BCAR3: variants seen among roughly 807,000 people sequenced by gnomAD.
BCAR3 encodes the protein breast cancer anti-estrogen resistance protein 3.
BCAR3 carries 37 observed loss-of-function variants against 80.1 expected under a neutral mutation model. That is an observed-to-expected ratio of 0.46 (90% CI 0.36 to 0.61). The LOEUF is 0.61. Among genes scored for constraint, BCAR3 ranks in the 20% least tolerant of loss-of-function variants. BCAR3 has a pLI of 0.00. For synonymous variants in BCAR3, 389 were observed against 418.9 expected (o/e 0.93, Z 0.87); for missense variants, 978 against 1,068.2 (o/e 0.92, Z 1.18).
chr1:93,814,181 C>T (rs1201916202), intron 2 of BCAR3, among the ~76,000 whole-genome samples: 1 of 152,088 alleles, frequency 6.6e-6, no homozygotes, highest in Non-Finnish European at 1.5e-5. Flanking sequence ...GGAGGCTGTC[C>T]TCTGCTGGTT....
chr1:93,599,406 A>G lies in BCAR3; in HGVS notation c.358-7013T>C, dbSNP rs542139384. ...TGTGACCTAGGCTAGTATGAGTGGA[A>G]TCCCTGTCACTTGTGACCAAAGCAG... is the stretch of plus-strand genomic sequence containing the variant. On this transcript the variant is annotated intron_variant, in intron 3 of 11. Transcript: ENST00000260502. 8.2e-4 allele frequency: 125 copies of G among 152,354 alleles called. 1 individual carries two copies. Among genetic ancestry groups the G allele is most frequent in the African/African-American group, 2.4e-3 (101 of 41,570 alleles). 9.4% of individuals were successfully genotyped at this position (152,354 alleles called of 1,614,324 possible). A position where few individuals can be genotyped will look rare whatever the true frequency, so the allele number is the denominator to read the frequency against.
At chr1:93,589,450 G>A (rs1423429107) in intron 4 of BCAR3, 31 bp from the exon 5 acceptor site, 8 of 1,569,670 alleles carry the variant, frequency 5.1e-6, no homozygotes, top group Non-Finnish European at 5.2e-6. Context: ...TGAGGAGTAG[G>A]AAAGGCAAAT....
At chr1:93,598,344 A>T (rs1465246111) in intron 3 of BCAR3, among the ~76,000 whole-genome samples, 1 of 152,256 alleles carries the variant, frequency 6.6e-6, no homozygotes, top group Non-Finnish European at 1.5e-5. Flanking sequence ...AATTTGAAAA[A>T]GGTGGCATCT....
intron 3 of BCAR3, among the ~76,000 whole-genome samples, chr1:93,617,625 C>G (rs1675168759): frequency 6.6e-6 from 1 of 152,254 alleles, no homozygotes; most frequent in South Asian, 2.1e-4. Context: ...ATCCTACTCC[C>G]TCTCCCCTAA....
chr1:93,708,042 G>C (rs1189549930), intron 2 of BCAR3, among the ~76,000 whole-genome samples: 1 of 152,198 alleles, frequency 6.6e-6, no homozygotes, highest in Admixed American at 6.5e-5. Flanking sequence ...GACAGGAGGG[G>C]AGGGGTGCGG....
intron 11 of BCAR3, among the ~76,000 whole-genome samples, chr1:93,564,876 A>C (rs183647019): frequency 6.6e-6 from 1 of 152,342 alleles, no homozygotes; most frequent in East Asian, 1.9e-4. Flanking sequence ...GGTCTGCTTA[A>C]GGCCAAAGAT....
At chr1:93,700,238 G>A (rs916581945) in intron 3 of BCAR3, among the ~76,000 whole-genome samples, 1 of 152,022 alleles carries the variant, frequency 6.6e-6, no homozygotes, top group East Asian at 1.9e-4. Flanking sequence ...TGTTGCCCAC[G>A]TTGGAGTGCA....
At chr1:93,801,250 A>C (rs140207383) in intron 2 of BCAR3, among the ~76,000 whole-genome samples, 91 of 152,330 alleles carry the variant, frequency 6.0e-4, no homozygotes, top group Non-Finnish European at 1.1e-3. Context: ...TAAACTGAGC[A>C]GTAAGTTGTT....
At chr1:93,583,875 A>G in intron 6 of BCAR3, 143 bp downstream of exon 6, 1 of 760,722 alleles carries the variant, frequency 1.3e-6, no homozygotes, top group South Asian at 2.0e-5. Context: ...GCCGGATATA[A>G]TTCTGCAAAC....
intron 3 of BCAR3, among the ~76,000 whole-genome samples, chr1:93,615,263 G>A (rs143873817): frequency 5.1e-4 from 78 of 152,206 alleles, no homozygotes; most frequent in South Asian, 2.5e-3. Flanking sequence ...TCAAATCCTC[G>A]GGAGACCTTG....
intron 2 of BCAR3, among the ~76,000 whole-genome samples, chr1:93,722,437 C>T (rs1650437567): frequency 6.6e-6 from 1 of 152,176 alleles, no homozygotes; most frequent in South Asian, 2.1e-4. Context: ...CGCCACGGTC[C>T]ATGGGGTGCC....
At chr1:93,805,897 A>G (rs1653638673) in intron 2 of BCAR3, among the ~76,000 whole-genome samples, 1 of 152,308 alleles carries the variant, frequency 6.6e-6, no homozygotes, top group African/African-American at 2.4e-5. Context: ...AAACAAGAAG[A>G]GGATGTTATG....
chr1:93,740,340 C>T (rs924072478), intron 2 of BCAR3, among the ~76,000 whole-genome samples: 1 of 152,228 alleles, frequency 6.6e-6, no homozygotes, highest in Non-Finnish European at 1.5e-5. Flanking sequence ...GAGGGAGAGG[C>T]TTCCAGCCTC....
intron 2 of BCAR3, among the ~76,000 whole-genome samples, chr1:93,787,936 T>C (rs1306349845): frequency 6.6e-6 from 1 of 152,232 alleles, no homozygotes; most frequent in Non-Finnish European, 1.5e-5. Flanking sequence ...TATTATTGTG[T>C]TGCCATCTAT....
intron 2 of BCAR3, among the ~76,000 whole-genome samples, chr1:93,667,886 T>C (rs1332131548): frequency 6.6e-6 from 1 of 152,228 alleles, no homozygotes; most frequent in African/African-American, 2.4e-5. Flanking sequence ...CCACAGCAAC[T>C]ACTCCTTTAG....
intron 2 of BCAR3, among the ~76,000 whole-genome samples, chr1:93,731,246 A>T (rs1266377194): frequency 6.6e-6 from 1 of 152,212 alleles, no homozygotes; most frequent in East Asian, 1.9e-4. Flanking sequence ...GGAGAAAACT[A>T]GTGAAATCCA....
chr1:93,756,861 G>T (rs1651764886), intron 2 of BCAR3, among the ~76,000 whole-genome samples: 1 of 152,184 alleles, frequency 6.6e-6, no homozygotes, highest in African/African-American at 2.4e-5. Context: ...CATTCCTATG[G>T]CTGCTGTGCC....
At chr1:93,579,389 G>T (rs1316949733) in intron 7 of BCAR3, among the ~76,000 whole-genome samples, 1 of 152,226 alleles carries the variant, frequency 6.6e-6, no homozygotes, top group Admixed American at 6.5e-5. Context: ...AGACAGGGAA[G>T]AAGGAAGTTT....
intron 3 of BCAR3, among the ~76,000 whole-genome samples, chr1:93,690,228 T>A (rs754503632): frequency 7.2e-5 from 11 of 152,232 alleles, no homozygotes; most frequent in Admixed American, 1.3e-4. Context: ...TTTCCTCCCA[T>A]CAAACCGAGA....
Sources: gnomAD v4.1 joint callset for allele counts (sites outside exome capture counted in the v4.1 genomes callset) on GRCh38, gnomAD v4.1.1 for gene constraint, MANE v1.5 for transcripts, NCBI Gene and HGNC (gene_info 2026-07-23, HGNC 2026-07-21) for gene names.